TANC2: variants seen among roughly 807,000 people sequenced by gnomAD.
TANC2 encodes protein TANC2.
TANC2 carries 26 observed loss-of-function variants against 210.5 expected under a neutral mutation model. The ratio of observed to expected loss-of-function variants is 0.12; its 90% confidence interval spans 0.09 to 0.17. The LOEUF (loss-of-function observed/expected upper bound fraction) is 0.17. Ranked by LOEUF, TANC2 falls within the 10% of genes least tolerant of loss-of-function variation. TANC2 has a pLI of 1.00. For synonymous variants in TANC2, 931 were observed against 967.1 expected, an observed-to-expected ratio of 0.96 and a Z score of 0.69; for missense variants, 2,129 against 2,608.9, an observed-to-expected ratio of 0.82 and a Z score of 4.01.
chr17:63,254,642 A>G (rs563838099), intron 8 of TANC2, among the ~76,000 whole-genome samples: 34 of 152,248 alleles, frequency 2.2e-4, no homozygotes, highest in African/African-American at 7.9e-4. Flanking sequence ...GTGTTTAGGT[A>G]TGTTCCTTCT....
chr17:63,141,045 T>C (rs1460998951), intron 4 of TANC2, among the ~76,000 whole-genome samples: 1 of 151,868 alleles, frequency 6.6e-6, no homozygotes, highest in East Asian at 1.9e-4. Flanking sequence ...CCACCATGCC[T>C]GCCCAGGAAG....
At chr17:63,271,075 C>T (rs372588238) in intron 9 of TANC2, among the ~76,000 whole-genome samples, 1 of 148,118 alleles carries the variant, frequency 6.8e-6, no homozygotes, top group Admixed American at 6.7e-5. Flanking sequence ...CATCAATGGA[C>T]ATTGAAGTTG....
chr17:63,238,028 A>T, exon 8 of TANC2: 1 of 1,556,232 alleles, frequency 6.4e-7, no homozygotes, highest in African/African-American at 1.4e-5. Flanking sequence ...TATCTCAATC[A>T]GTACAGTCTA....
intron 7 of TANC2, among the ~76,000 whole-genome samples, chr17:63,203,439 A>G (rs2041599889): frequency 6.6e-6 from 1 of 152,176 alleles, no homozygotes; most frequent in Non-Finnish European, 1.5e-5. Flanking sequence ...TTACTTTTTT[A>G]AAATATGAGA....
intron 8 of TANC2, among the ~76,000 whole-genome samples, chr17:63,258,320 A>G (rs1320281609): frequency 2.0e-5 from 3 of 152,052 alleles, no homozygotes; most frequent in African/African-American, 7.2e-5. Flanking sequence ...ACCTTGAGAT[A>G]GTCTTATTTG....
intron 5 of TANC2, among the ~76,000 whole-genome samples, chr17:63,171,730 A>G (rs2040411472): frequency 6.6e-6 from 1 of 152,246 alleles, no homozygotes; most frequent in South Asian, 2.1e-4. Context: ...CAAAAGGCAC[A>G]TAATACATTT....
At chr17:63,057,009 A>G (rs1235279356) in intron 2 of TANC2, among the ~76,000 whole-genome samples, 1 of 151,884 alleles carries the variant, frequency 6.6e-6, no homozygotes, top group African/African-American at 2.4e-5. Context: ...TTAAGAGACA[A>G]GGTCTCACTG....
At chr17:63,255,619 T>G (rs1003877408) in intron 8 of TANC2, among the ~76,000 whole-genome samples, 3 of 152,164 alleles carry the variant, frequency 2.0e-5, no homozygotes, top group African/African-American at 7.2e-5. Context: ...CATAGTAGTC[T>G]CTAATGATCC....
At chr17:63,250,446 A>G (rs2043027176) in intron 8 of TANC2, among the ~76,000 whole-genome samples, 1 of 152,086 alleles carries the variant, frequency 6.6e-6, no homozygotes, top group Non-Finnish European at 1.5e-5. Flanking sequence ...AAATTTTTGC[A>G]GTACAATTGC....
chr17:63,411,979 T>C lies in TANC2; in HGVS notation c.3766-19T>C, dbSNP rs1477855456. ...GCCATTACGCCTGTCCTAACTTCTC[T>C]GCTTGATCCGTGTCCTAGGTCCAGT... On this transcript the variant is annotated intron_variant, in intron 22 of 27. Coordinates refer to ENST00000689528, the Ensembl canonical transcript of TANC2. 2 of 1,613,592 alleles carry C rather than the reference T, an allele frequency of 1.2e-6. No homozygotes were observed. Among genetic ancestry groups the C allele is most frequent in the African/African-American group, 1.3e-5 (1 of 74,910 alleles).
At chr17:63,206,182 A>G (rs184538588) in intron 7 of TANC2, among the ~76,000 whole-genome samples, 39 of 152,330 alleles carry the variant, frequency 2.6e-4, no homozygotes, top group Non-Finnish European at 4.3e-4. Context: ...TGACAATTAT[A>G]AAAAGAAAGT....
intron 4 of TANC2, among the ~76,000 whole-genome samples, chr17:63,141,201 T>C (rs903352110): frequency 2.6e-5 from 4 of 151,646 alleles, no homozygotes; most frequent in Non-Finnish European, 4.4e-5. Flanking sequence ...GTATTTTACA[T>C]AGAAAAATTA....
At chr17:63,056,989 G>T (rs1016466063) in intron 2 of TANC2, among the ~76,000 whole-genome samples, 37 of 143,846 alleles carry the variant, frequency 2.6e-4, no homozygotes, top group Non-Finnish European at 3.8e-4. Context: ...GGATTTTTTT[G>T]TTTTTTTTTT....
chr17:63,370,984 T>C (rs2047250902), intron 14 of TANC2, among the ~76,000 whole-genome samples: 1 of 152,250 alleles, frequency 6.6e-6, no homozygotes, highest in African/African-American at 2.4e-5. Context: ...CAGCCATCTC[T>C]GCCTCATAAT....
chr17:63,314,593 C>T, exon 10 of TANC2: 1 of 1,613,974 alleles, frequency 6.2e-7, no homozygotes, highest in Non-Finnish European at 8.5e-7. Context: ...CCATCATCTC[C>T]AGACTGGTGG....
chr17:63,093,644 A>G (rs568117390), intron 3 of TANC2, among the ~76,000 whole-genome samples: 4 of 152,294 alleles, frequency 2.6e-5, no homozygotes, highest in South Asian at 4.1e-4. Context: ...ATTGATTGCT[A>G]TAAAAGTTAA....
At chr17:63,345,632 A>C (rs916734327) in intron 12 of TANC2, among the ~76,000 whole-genome samples, 6 of 151,896 alleles carry the variant, frequency 4.0e-5, no homozygotes, top group African/African-American at 1.2e-4. Flanking sequence ...AAAAAAAAAA[A>C]AAAAAAACAC....
chr17:63,178,043 T>C (rs562333496), intron 5 of TANC2, among the ~76,000 whole-genome samples: 59 of 152,284 alleles, frequency 3.9e-4, no homozygotes, highest in African/African-American at 1.4e-3. Flanking sequence ...TAAAACCAAC[T>C]GCCCTGGGCC....
At chr17:63,256,290 T>C (rs1030923764) in intron 8 of TANC2, among the ~76,000 whole-genome samples, 3 of 152,226 alleles carry the variant, frequency 2.0e-5, no homozygotes, top group Non-Finnish European at 4.4e-5. Flanking sequence ...TGTTCCATAC[T>C]AGTTCTGTTT....
Sources: allele counts gnomAD v4.1 joint callset (sites outside exome capture counted in the v4.1 genomes callset), GRCh38; gene constraint gnomAD v4.1.1; transcripts MANE v1.5; gene names NCBI Gene and HGNC (gene_info 2026-07-23, HGNC 2026-07-21).